Variants in SYNJ1 observed in about 807,000 individuals in gnomAD.
SYNJ1 encodes the protein synaptojanin 1, also known as polyphosphatidylinositol phosphatase SYNJ1.
A neutral mutation model predicts 168.2 loss-of-function variants in SYNJ1; 78 were observed. The ratio of observed to expected loss-of-function variants is 0.46; its 90% CI spans 0.39 to 0.56. The LOEUF (loss-of-function observed/expected upper bound fraction) is 0.56. Among genes scored for constraint, SYNJ1 ranks in the 20% least tolerant of loss-of-function variants. SYNJ1 has a pLI of 0.00. For synonymous variants in SYNJ1, 539 were observed against 548.6 expected, an observed-to-expected ratio of 0.98 and a Z score of 0.24; for missense variants, 1,303 against 1,597.6, an observed-to-expected ratio of 0.82 and a Z score of 3.14.
chr21:32,683,716 TACACCC>T (rs1047356550), intron 10 of SYNJ1, among the ~76,000 whole-genome samples: 2 of 151,870 alleles, frequency 1.3e-5, no homozygotes, highest in African/African-American at 4.8e-5. Flanking sequence ...AATACACACA[TACACCC>T]ACACCCACAC....
intron 2 of SYNJ1, among the ~76,000 whole-genome samples, chr21:32,709,521 G>T (rs1285291537): frequency 3.1e-5 from 4 of 127,956 alleles, no homozygotes; most frequent in Non-Finnish European, 4.9e-5. Flanking sequence ...TTTATGGAGT[G>T]TTTTTTTTTT....
rs367591704 is a variant in SYNJ1, at chr21:32,631,101, G to A, written c.*704C>T. ...CGGGAGCAGAGGGACAGGAGGTGGAGGAGGTCTTCTTGACGGCAACACACA... is the reference window on the plus strand; with the variant it reads ...CGGGAGCAGAGGGACAGGAGGTGGAAGAGGTCTTCTTGACGGCAACACACA... On this transcript the variant is annotated 3_prime_UTR_variant, in exon 33 of 33. Coordinates refer to ENST00000674351, the MANE Select transcript of SYNJ1 (RefSeq NM_203446.3). 4 of 1,614,210 alleles carry A rather than the reference G, an allele frequency of 2.5e-6. No individual in the cohort carries two copies. The highest frequency in any genetic ancestry group is 1.1e-5 in the South Asian group (1 of 91,082).
intron 18 of SYNJ1, 98 bp downstream of exon 18, chr21:32,664,814 CA>C: frequency 8.9e-7 from 1 of 1,118,192 alleles, no homozygotes; most frequent in South Asian, 1.8e-5. Flanking sequence ...TATTTAAGTA[CA>C]AAAAGACCCC....
At chr21:32,704,396 A>C (rs1037747975) in intron 2 of SYNJ1, among the ~76,000 whole-genome samples, 5 of 152,218 alleles carry the variant, frequency 3.3e-5, no homozygotes, top group Non-Finnish European at 7.3e-5. Flanking sequence ...TCATAAATAC[A>C]TTTGTATCTG....
chr21:32,718,637 A>G (rs574652315), intron 2 of SYNJ1, among the ~76,000 whole-genome samples: 1 of 152,156 alleles, frequency 6.6e-6, no homozygotes, highest in Non-Finnish European at 1.5e-5. Flanking sequence ...CTAAAGGGCA[A>G]TCATGTTGAC....
At chr21:32,705,290 C>T (rs1276889707) in intron 2 of SYNJ1, among the ~76,000 whole-genome samples, 5 of 152,012 alleles carry the variant, frequency 3.3e-5, no homozygotes, top group Non-Finnish European at 1.5e-5. Context: ...ACTGAGCAGA[C>T]CCAGGATCTA....
At chr21:32,705,435 A>C (rs2042573349) in intron 2 of SYNJ1, among the ~76,000 whole-genome samples, 1 of 152,230 alleles carries the variant, frequency 6.6e-6, no homozygotes, top group Non-Finnish European at 1.5e-5. Flanking sequence ...TGAGCCTAAA[A>C]CATAGTATTG....
chr21:32,666,610 G>A, intron 15 of SYNJ1, 37 bp from the exon 16 acceptor site: 1 of 1,589,208 alleles, frequency 6.3e-7, no homozygotes, highest in South Asian at 1.1e-5. Context: ...TTTTTAAAAA[G>A]GTATTGACAA....
intron 10 of SYNJ1, among the ~76,000 whole-genome samples, chr21:32,683,247 G>A (rs575440178): frequency 6.6e-6 from 1 of 151,992 alleles, no homozygotes; most frequent in East Asian, 1.9e-4. Flanking sequence ...TTGCAGAGGA[G>A]GGAAGACTTA....
intron 13 of SYNJ1, among the ~76,000 whole-genome samples, chr21:32,675,501 C>T (rs930303000): frequency 6.6e-6 from 1 of 152,106 alleles, no homozygotes; most frequent in Non-Finnish European, 1.5e-5. Flanking sequence ...TTATATAACT[C>T]AAAAATATAT....
At position 32,631,451 on chromosome 21, in the gene SYNJ1, T is replaced by G; in HGVS notation, c.*354A>C. The G allele has an allele frequency of 1.2e-6, 2 of 1,614,174 alleles. No individual in the cohort carries two copies. Among genetic ancestry groups the G allele is most frequent in the South Asian group, 1.1e-5 (1 of 91,076 alleles). ...AGAACCATGAAGTTGCCTCTGATTC[T>G]TCAGACTTGGCTCTAAATGGGTTTC... On this transcript the variant is annotated 3_prime_UTR_variant, in exon 33 of 33. Coordinates refer to ENST00000674351, the MANE Select transcript of SYNJ1 (RefSeq NM_203446.3).
Position 32,646,531 on chromosome 21 carries a change from C to T in SYNJ1, c.3109G>A (p.Gly1037Ser). 2.5e-6 allele frequency: 4 copies of T among 1,614,118 alleles called. No individual in the cohort carries two copies. The highest frequency in any genetic ancestry group is 3.4e-6 in the Non-Finnish European group (4 of 1,180,012). The change falls in exon 24 of 33, where the codon GGC becomes AGC. Residue 1037 changes from glycine to serine, a missense_variant. By Grantham distance (56) the Gly-to-Ser change is moderately conservative. Transcript: ENST00000674351. ...PQHLQPSSSS[G>S]LGTSPSSSPR... ...GAAGAGCTGGGGGAAGTACCAAGGC[C>T]GGAACTTGAAGATGGCTGGAGATGC...
intron 18 of SYNJ1, among the ~76,000 whole-genome samples, chr21:32,664,115 T>C (rs899779015): frequency 6.6e-6 from 1 of 152,252 alleles, no homozygotes; most frequent in Admixed American, 6.5e-5. Flanking sequence ...AGGAACCTGC[T>C]TACTGCTCCC....
chr21:32,699,243 A>AC (rs975532553), intron 4 of SYNJ1, among the ~76,000 whole-genome samples: 7 of 152,034 alleles, frequency 4.6e-5, no homozygotes, highest in African/African-American at 1.7e-4. Flanking sequence ...TGCTGGAAAC[A>AC]CCCCCAAGAC....
intron 2 of SYNJ1, among the ~76,000 whole-genome samples, chr21:32,718,199 G>A (rs2146354713): frequency 6.6e-6 from 1 of 152,258 alleles, no homozygotes; most frequent in East Asian, 1.9e-4. Context: ...AAGCCACAGA[G>A]TTTTTACTAT....
intron 18 of SYNJ1, among the ~76,000 whole-genome samples, chr21:32,663,941 G>A (rs1236921683): frequency 6.6e-6 from 1 of 152,198 alleles, no homozygotes. Flanking sequence ...TCTATACACA[G>A]ATGATGAAGG....
chr21:32,684,165 C>T, intron 9 of SYNJ1, 46 bp from the exon 10 acceptor site: 1 of 1,560,296 alleles, frequency 6.4e-7, no homozygotes, highest in Non-Finnish European at 8.8e-7. Context: ...AAAAATAAAG[C>T]TAAAACAAAC....
chr21:32,695,991 C>T (rs766535910), intron 4 of SYNJ1, among the ~76,000 whole-genome samples: 19 of 152,064 alleles, frequency 1.2e-4, no homozygotes, highest in Non-Finnish European at 2.2e-4. Context: ...GGACCACAGG[C>T]GCCCACCACC....
At chr21:32,699,103 A>G (rs1158701008) in intron 4 of SYNJ1, among the ~76,000 whole-genome samples, 1 of 151,982 alleles carries the variant, frequency 6.6e-6, no homozygotes, top group Non-Finnish European at 1.5e-5. Context: ...AGATGGATAC[A>G]CTCAATTAGC....
Sources: allele counts gnomAD v4.1 joint callset (sites outside exome capture counted in the v4.1 genomes callset), GRCh38; gene constraint gnomAD v4.1.1; transcripts MANE v1.5; gene names NCBI Gene and HGNC (gene_info 2026-07-23, HGNC 2026-07-21).